Variants in SLC6A5 observed in about 807,000 individuals in gnomAD.
SLC6A5 encodes sodium- and chloride-dependent glycine transporter 2.
A neutral mutation model predicts 90.5 loss-of-function variants in SLC6A5; 58 were observed. The ratio of observed to expected loss-of-function variants is 0.64; its 90% confidence interval spans 0.52 to 0.80. The LOEUF is 0.80. Among genes scored for constraint, SLC6A5 ranks in the 30% least tolerant of loss-of-function variants. The pLI is 0.00. For synonymous variants in SLC6A5, 427 were observed against 401.4 expected, an observed-to-expected ratio of 1.06 and a Z score of -0.76; for missense variants, 1,015 against 1,017.6, an observed-to-expected ratio of 1.00 and a Z score of 0.03.
chr11:20,623,208 G>C lies in SLC6A5; in HGVS notation c.1261-3500G>C, dbSNP rs1482169005. Among the ~76,000 whole-genome samples, 2 of 152,174 alleles carry C rather than the reference G, an allele frequency of 1.3e-5. 1 individual carries two copies. Among genetic ancestry groups the C allele is most frequent in the Admixed American group, 1.3e-4 (2 of 15,274 alleles). ...CAGTGTCACAGTGGAGAGAAAAGGA[G>C]TGCAGTCCACCTCTGGCAGGTCTGA... On this transcript the variant is annotated intron_variant, in intron 7 of 15. Transcript: ENST00000525748.
intron 8 of SLC6A5, among the ~76,000 whole-genome samples, chr11:20,627,146 C>T (rs1308118139): frequency 3.9e-5 from 6 of 152,088 alleles, no homozygotes; most frequent in Non-Finnish European, 8.8e-5. Context: ...TATAGAGTGT[C>T]GGAAGGGTAG....
At chr11:20,627,954 G>A in intron 8 of SLC6A5, 26 bp from the exon 9 acceptor site, 1 of 1,582,794 alleles carries the variant, frequency 6.3e-7, no homozygotes, top group Non-Finnish European at 8.7e-7. Flanking sequence ...CATGGGTCTT[G>A]AATCTCTTTC....
chr11:20,605,657 G>A (rs1264536420), intron 3 of SLC6A5, among the ~76,000 whole-genome samples: 1 of 152,238 alleles, frequency 6.6e-6, no homozygotes, highest in Non-Finnish European at 1.5e-5. Flanking sequence ...AGCAAAAGGA[G>A]GTTGGCCCGC....
chr11:20,602,863 C>T (rs747021502), intron 2 of SLC6A5, among the ~76,000 whole-genome samples: 27 of 152,212 alleles, frequency 1.8e-4, no homozygotes, highest in Non-Finnish European at 3.4e-4. Flanking sequence ...GCATGTATCC[C>T]ACAGTGTGAC....
chr11:20,617,987 C>A (rs377547474), intron 7 of SLC6A5, 103 bp downstream of exon 7: 18 of 1,174,316 alleles, frequency 1.5e-5, no homozygotes, highest in Non-Finnish European at 2.0e-5. Flanking sequence ...GCTGTGGATG[C>A]TAATTCTGAC....
At chr11:20,626,928 AG>A (rs1853008523) in intron 8 of SLC6A5, 86 bp downstream of exon 8, 2 of 1,053,772 alleles carry the variant, frequency 1.9e-6, no homozygotes, top group Non-Finnish European at 3.0e-6. Context: ...TTCCTCCTCC[AG>A]GGAATCCCAG....
intron 1 of SLC6A5, among the ~76,000 whole-genome samples, chr11:20,600,694 TG>T (rs1852453824): frequency 6.6e-6 from 1 of 152,072 alleles, no homozygotes; most frequent in Admixed American, 6.5e-5. Flanking sequence ...AGCTTGTCTA[TG>T]GGGGAAAAAG....
intron 12 of SLC6A5, among the ~76,000 whole-genome samples, 168 bp downstream of exon 12, chr11:20,637,471 T>TA (rs566927794): frequency 1.4e-3 from 215 of 152,272 alleles, no homozygotes; most frequent in African/African-American, 4.9e-3. Flanking sequence ...CAGAGGGAAA[T>TA]ATGTCATCTT....
chr11:20,648,077 CAG>C (rs1294370256), intron 14 of SLC6A5, among the ~76,000 whole-genome samples: 1 of 152,166 alleles, frequency 6.6e-6, no homozygotes, highest in Admixed American at 6.5e-5. Context: ...CAGCAATTGA[CAG>C]AGATCCTTCC....
At chr11:20,609,182 A>C (rs1178373302) in intron 5 of SLC6A5, among the ~76,000 whole-genome samples, 1 of 152,186 alleles carries the variant, frequency 6.6e-6, no homozygotes, top group Non-Finnish European at 1.5e-5. Flanking sequence ...AGCTCTGAGC[A>C]CAAGGAGACA....
intron 10 of SLC6A5, among the ~76,000 whole-genome samples, chr11:20,631,301 C>T (rs979477415): frequency 6.6e-5 from 10 of 152,174 alleles, no homozygotes; most frequent in African/African-American, 2.4e-4. Context: ...GTCAAATGTG[C>T]TTTCAGGGCC....
chr11:20,621,770 A>C (rs1852894093), intron 7 of SLC6A5, among the ~76,000 whole-genome samples: 1 of 152,216 alleles, frequency 6.6e-6, no homozygotes, highest in Non-Finnish European at 1.5e-5. Flanking sequence ...AGATAAGCTC[A>C]GTTCCTCTTG....
intron 5 of SLC6A5, among the ~76,000 whole-genome samples, chr11:20,608,942 CTCTCTCTCTCTCTCTCTGTGTGTGTGTG>C (rs1329402552): frequency 1.2e-4 from 14 of 117,854 alleles, no homozygotes; most frequent in Non-Finnish European, 2.3e-4. Context: ...CTCTCTCTCT[CTCTCTCTCTCTCTCTCTGTGTGTGTGTG>C]TGTGTGTGTG....
rs12364685 is a variant in SLC6A5 at position 20,601,262 on chromosome 11, C to G, written c.137C>G (p.Pro46Arg). ...CAGGAGCTTCCCGCGGCTGCCGCCC[C>G]GCCGCCGCCACGTGTGCCCAGGTCC... is the stretch of plus-strand genomic sequence containing the variant. ...PEQELPAAAA[P>R]PPPRVPRSAS... is the part of the protein sequence containing the mutation. The change falls in exon 2 of 16, where the codon CCG (proline) becomes CGG (arginine). Residue 46 changes from proline (P) to arginine (R), a missense_variant. Coordinates refer to ENST00000525748, the MANE Select transcript of SLC6A5 (RefSeq NM_004211.5). The G allele has an allele frequency of 6.1e-3, 9,627 of 1,583,946 alleles. 40 individuals carry two copies. The highest frequency in any genetic ancestry group is 7.4e-3 in the Non-Finnish European group (8,652 of 1,172,438).
At chr11:20,615,004 A>G (rs1409825681) in intron 6 of SLC6A5, among the ~76,000 whole-genome samples, 184 bp downstream of exon 6, 1 of 152,224 alleles carries the variant, frequency 6.6e-6, no homozygotes, top group Non-Finnish European at 1.5e-5. Flanking sequence ...GCAGAGCTGG[A>G]TGAATGACAG....
At chr11:20,645,133 G>A (rs1853387185) in intron 13 of SLC6A5, among the ~76,000 whole-genome samples, 1 of 151,986 alleles carries the variant, frequency 6.6e-6, no homozygotes, top group South Asian at 2.1e-4. Context: ...ATTTTTTAAG[G>A]GTCTGAATTG....
chr11:20,628,395 T>A (rs537885767), intron 9 of SLC6A5, among the ~76,000 whole-genome samples: 13 of 152,330 alleles, frequency 8.5e-5, no homozygotes, highest in African/African-American at 2.9e-4. Context: ...CTACCTAGTC[T>A]GTGGATACAA....
At chr11:20,613,607 G>T (rs1274203006) in intron 5 of SLC6A5, among the ~76,000 whole-genome samples, 1 of 151,276 alleles carries the variant, frequency 6.6e-6, no homozygotes, top group Admixed American at 6.6e-5. Context: ...GCCTAGATCA[G>T]GCCTTCTCAA....
At position 20,626,746 on chromosome 11, in the gene SLC6A5, C is replaced by T. The variant is rs762970931; in HGVS notation, c.1299C>T (p.Leu433=). The T allele has an allele frequency of 3.8e-5, 61 of 1,613,994 alleles. No homozygotes were observed. The highest frequency in any genetic ancestry group is 4.5e-5 in the East Asian group (2 of 44,882). Residue 433 remains leucine, a synonymous_variant, in exon 8 of 16, where the codon CTC becomes CTT. Coordinates refer to ENST00000525748, the MANE Select transcript of SLC6A5 (RefSeq NM_004211.5). ...YFTATFPYVV[L]VILLIRGVTL... is the part of the protein sequence containing the mutation. Reference sequence around the variant, plus strand: ...CGGCCACGTTCCCGTATGTCGTACTCGTGATCCTCCTCATCCGAGGAGTCA... The same window carrying T: ...CGGCCACGTTCCCGTATGTCGTACTTGTGATCCTCCTCATCCGAGGAGTCA...
Sources: gnomAD v4.1 joint callset for allele counts (sites outside exome capture counted in the v4.1 genomes callset) on GRCh38, gnomAD v4.1.1 for gene constraint, MANE v1.5 for transcripts, NCBI Gene and HGNC (gene_info 2026-07-23, HGNC 2026-07-21) for gene names.